The following LAMA2 variants were observed in gnomAD, a reference collection of about 807,000 sequenced individuals.
The protein encoded by LAMA2 is laminin subunit alpha 2.
In LAMA2, 269 loss-of-function variants were observed where a neutral mutation model predicts 364.8. The ratio of observed to expected loss-of-function variants is 0.74; its 90% CI spans 0.67 to 0.82. The LOEUF is 0.82. Among genes scored for constraint, LAMA2 ranks in the 40% least tolerant of loss-of-function variants. The pLI is 0.00. For synonymous variants in LAMA2, 1,379 were observed against 1,370.6 expected, an observed-to-expected ratio of 1.01 and a Z score of -0.14; for missense variants, 3,807 against 3,873.2, an observed-to-expected ratio of 0.98 and a Z score of 0.45.
intron 1 of LAMA2, among the ~76,000 whole-genome samples, chr6:128,915,741 A>C (rs973028310): frequency 6.6e-6 from 1 of 152,184 alleles, no homozygotes; most frequent in African/African-American, 2.4e-5. Context: ...AATGACGTTT[A>C]TGCAAGTGGA....
intron 35 of LAMA2, among the ~76,000 whole-genome samples, chr6:129,389,417 G>A (rs1051273211): frequency 1.1e-4 from 16 of 152,284 alleles, no homozygotes; most frequent in African/African-American, 3.4e-4. Context: ...CTGCTTCCTG[G>A]TTCAGAGATG....
chr6:129,463,853 G>A (rs1160603800), intron 49 of LAMA2, among the ~76,000 whole-genome samples: 2 of 151,842 alleles, frequency 1.3e-5, no homozygotes, highest in African/African-American at 4.8e-5. Context: ...ATAAATACAG[G>A]CCTCCTTAAT....
intron 4 of LAMA2, among the ~76,000 whole-genome samples, chr6:129,100,814 A>C (rs1024177150): frequency 6.6e-6 from 1 of 152,246 alleles, no homozygotes; most frequent in Non-Finnish European, 1.5e-5. Flanking sequence ...GACCTTGGTC[A>C]AATGATTTAA....
intron 15 of LAMA2, among the ~76,000 whole-genome samples, chr6:129,264,634 G>A (rs1184279302): frequency 2.6e-5 from 4 of 152,088 alleles, no homozygotes; most frequent in Non-Finnish European, 4.4e-5. Flanking sequence ...AGCTCCTGAC[G>A]TTAAGAAGCA....
intron 4 of LAMA2, among the ~76,000 whole-genome samples, chr6:129,100,227 ATTAG>A (rs916589005): frequency 5.9e-5 from 9 of 152,294 alleles, no homozygotes; most frequent in African/African-American, 9.6e-5. Flanking sequence ...TTATTAGTTA[ATTAG>A]TTAGTTTCTT....
intron 2 of LAMA2, among the ~76,000 whole-genome samples, chr6:129,058,327 G>A (rs1035998173): frequency 5.9e-5 from 9 of 152,240 alleles, no homozygotes; most frequent in African/African-American, 2.2e-4. Context: ...GCTAAAATGG[G>A]AGAGATGAGA....
chr6:129,037,875 T>C (rs1169861028), intron 1 of LAMA2, among the ~76,000 whole-genome samples: 2 of 152,142 alleles, frequency 1.3e-5, no homozygotes, highest in Non-Finnish European at 2.9e-5. Flanking sequence ...TTCACCGTGT[T>C]AGCCAGGATG....
intron 1 of LAMA2, among the ~76,000 whole-genome samples, chr6:128,949,862 G>A (rs1780704655): frequency 6.6e-6 from 1 of 151,986 alleles, no homozygotes; most frequent in Admixed American, 6.6e-5. Context: ...CCTAACATTT[G>A]CCACCAAGTG....
At chr6:128,987,226 G>C (rs1332189875) in intron 1 of LAMA2, among the ~76,000 whole-genome samples, 1 of 134,846 alleles carries the variant, frequency 7.4e-6, no homozygotes, top group Admixed American at 9.4e-5. Flanking sequence ...GTAAACTCTT[G>C]CTTCCCAGGT....
intron 12 of LAMA2, among the ~76,000 whole-genome samples, chr6:129,204,807 A>ACT (rs1175806828): frequency 6.6e-6 from 1 of 152,148 alleles, no homozygotes; most frequent in Non-Finnish European, 1.5e-5. Flanking sequence ...ATAAAAGGTG[A>ACT]CTCTCTCTAA....
chr6:129,128,966 AG>A (rs112776028), intron 4 of LAMA2, among the ~76,000 whole-genome samples: 5,857 of 152,256 alleles, frequency 0.038, 385 homozygotes, highest in African/African-American at 0.13. Flanking sequence ...CTTTCTTAAA[AG>A]TTTAATATTT....
chr6:129,233,261 G>T (rs1005974990), intron 12 of LAMA2, among the ~76,000 whole-genome samples: 3 of 152,048 alleles, frequency 2.0e-5, no homozygotes, highest in African/African-American at 7.2e-5. Flanking sequence ...AGTTTGTTAC[G>T]GTAGCAATAG....
In LAMA2 at chr6:129,171,612, T is replaced by C. The variant is rs1170663419; in HGVS notation, c.1306+5937T>C. Among the ~76,000 whole-genome samples, 743 of 151,260 alleles carry C rather than the reference T, an allele frequency of 4.9e-3. 11 individuals carry two copies. The highest frequency in any genetic ancestry group is 0.017 in the African/African-American group (717 of 41,084). On this transcript the variant is annotated intron_variant, in intron 9 of 64. Coordinates refer to ENST00000421865, the MANE Select transcript of LAMA2 (RefSeq NM_000426.4). The stretch of plus-strand genomic sequence containing the variant: ...TCTCTCTGGCTGCCCTTAACATTTT[T>C]TCCTTCATTTCAGCTTTGGTGAATC...
Position 129,465,219 on chromosome 6 carries a change from C to G in LAMA2, c.7230C>G (p.Ser2410=), listed in dbSNP as rs757077922. The G allele has an allele frequency of 6.2e-7, 1 of 1,611,112 alleles. No homozygotes were observed. The highest frequency in any genetic ancestry group is 1.1e-5 in the South Asian group (1 of 91,018). The stretch of plus-strand genomic sequence containing the variant: ...ACGATCTGGGCTCAGGAATGGCTTC[C>G]GTTGTCAGCAATCAAAACCATAATG... ...VSYDLGSGMA[S]VVSNQNHNDG... The change falls in exon 51 of 65, where the codon TCC becomes TCG. Residue 2410 remains serine (S), a synonymous_variant. Transcript: ENST00000421865.
At chr6:129,031,676 A>G (rs1247941940) in intron 1 of LAMA2, among the ~76,000 whole-genome samples, 1 of 152,214 alleles carries the variant, frequency 6.6e-6, no homozygotes, top group Non-Finnish European at 1.5e-5. Context: ...AGTCACTAAA[A>G]CAATACATAC....
chr6:129,392,836 ATC>A (rs1055502886), intron 36 of LAMA2, among the ~76,000 whole-genome samples: 9 of 152,202 alleles, frequency 5.9e-5, no homozygotes, highest in Admixed American at 5.2e-4. Context: ...TTTCTTAAAA[ATC>A]TGTTTCGCTT....
chr6:129,216,168 A>G (rs1211662641), intron 12 of LAMA2, among the ~76,000 whole-genome samples: 2 of 152,228 alleles, frequency 1.3e-5, no homozygotes, highest in East Asian at 3.8e-4. Context: ...ACTGCAGTCT[A>G]TAGCTACATT....
At chr6:129,115,182 G>A (rs1776400598) in intron 4 of LAMA2, among the ~76,000 whole-genome samples, 1 of 151,926 alleles carries the variant, frequency 6.6e-6, no homozygotes, top group African/African-American at 2.4e-5. Context: ...AATTACTCAA[G>A]CCAGGAAATT....
At chr6:129,154,732 T>C in intron 8 of LAMA2, 49 bp downstream of exon 8, 1 of 1,435,600 alleles carries the variant, frequency 7.0e-7, no homozygotes. Flanking sequence ...TGCTTTTTCA[T>C]ACAAAAATGT....
Sources: gnomAD v4.1 joint callset for allele counts (sites outside exome capture counted in the v4.1 genomes callset) on GRCh38, gnomAD v4.1.1 for gene constraint, MANE v1.5 for transcripts, NCBI Gene and HGNC (gene_info 2026-07-23, HGNC 2026-07-21) for gene names.